The following LYN variants were observed in gnomAD, a reference collection of about 807,000 sequenced individuals.
LYN encodes LYN proto-oncogene, Src family tyrosine kinase, also known as tyrosine-protein kinase Lyn.
In LYN, 12 loss-of-function variants were observed where a neutral mutation model predicts 65.0. That is an observed-to-expected ratio of 0.18 (90% CI 0.12 to 0.30). LYN has a LOEUF of 0.30. Ranked by LOEUF, LYN falls within the 10% of genes least tolerant of loss-of-function variation. The probability of loss-of-function intolerance (pLI) is 1.00; values close to 1 mark genes in which losing one functional copy is unlikely to be tolerated. For missense variants in LYN, 380 were observed against 623.2 expected (o/e 0.61, Z 4.16); for synonymous variants, 222 against 221.2 (o/e 1.00, Z -0.03).
intron 1 of LYN, among the ~76,000 whole-genome samples, chr8:55,935,100 G>T (rs185266412): frequency 6.6e-6 from 1 of 152,110 alleles, no homozygotes; most frequent in Non-Finnish European, 1.5e-5. Context: ...GTGATCTGAG[G>T]GATTCCCGGC....
At chr8:55,959,155 C>CTGGT (rs1421296470) in intron 8 of LYN, among the ~76,000 whole-genome samples, 6 of 152,192 alleles carry the variant, frequency 3.9e-5, no homozygotes, top group Non-Finnish European at 7.4e-5. Context: ...TTGTTGTTGG[C>CTGGT]TGGTTGGCTT....
At chr8:55,993,096 A>T (rs559257349) in intron 10 of LYN, among the ~76,000 whole-genome samples, 8 of 152,352 alleles carry the variant, frequency 5.3e-5, no homozygotes, top group African/African-American at 1.9e-4. Context: ...TCCAAAGTTC[A>T]TACCTACCTA....
chr8:55,917,554 A>G (rs1805813117), intron 1 of LYN, among the ~76,000 whole-genome samples: 1 of 152,100 alleles, frequency 6.6e-6, no homozygotes, highest in Non-Finnish European at 1.5e-5. Context: ...GGGAGTAGGG[A>G]AGGGGAGGAT....
At chr8:56,007,712 A>G (rs1585688322) in intron 12 of LYN, among the ~76,000 whole-genome samples, 1 of 152,276 alleles carries the variant, frequency 6.6e-6, no homozygotes, top group East Asian at 1.9e-4. Flanking sequence ...TGGGAAATAC[A>G]TAGAAACCTA....
chr8:55,933,646 A>C (rs185726972), intron 1 of LYN, among the ~76,000 whole-genome samples: 2 of 152,218 alleles, frequency 1.3e-5, no homozygotes, highest in African/African-American at 4.8e-5. Context: ...CGATAATTAC[A>C]GGACTGTCAA....
At chr8:55,921,205 G>A (rs1010109473) in intron 1 of LYN, among the ~76,000 whole-genome samples, 2 of 152,196 alleles carry the variant, frequency 1.3e-5, no homozygotes, top group Non-Finnish European at 2.9e-5. Flanking sequence ...AATTGCTGCT[G>A]ACCACAAACT....
intron 10 of LYN, among the ~76,000 whole-genome samples, chr8:55,994,976 C>G (rs1808337374): frequency 6.6e-6 from 1 of 152,200 alleles, no homozygotes; most frequent in Non-Finnish European, 1.5e-5. Context: ...ACATGCTCAG[C>G]CTGATCTTCG....
intron 2 of LYN, among the ~76,000 whole-genome samples, chr8:55,946,203 C>G (rs951476094): frequency 1.3e-5 from 2 of 152,182 alleles, no homozygotes; most frequent in African/African-American, 4.8e-5. Context: ...AGGTGAGCAC[C>G]TGGCACCTGC....
chr8:55,936,511 G>A (rs1462178462), intron 1 of LYN, among the ~76,000 whole-genome samples: 1 of 152,138 alleles, frequency 6.6e-6, no homozygotes, highest in African/African-American at 2.4e-5. Flanking sequence ...GTGGTGGTGG[G>A]CACCTGTAAT....
chr8:55,967,252 G>A (rs1425713853), intron 9 of LYN, among the ~76,000 whole-genome samples: 1 of 145,726 alleles, frequency 6.9e-6, no homozygotes, highest in Non-Finnish European at 1.5e-5. Context: ...AGAGTTCCCA[G>A]AATTCTAATA....
chr8:55,986,938 T>C (rs1808088245), intron 10 of LYN, among the ~76,000 whole-genome samples: 1 of 152,054 alleles, frequency 6.6e-6, no homozygotes, highest in African/African-American at 2.4e-5. Context: ...TTGTCCAGGG[T>C]GTTCTGAACT....
At chr8:55,985,773 G>A (rs546547661) in intron 10 of LYN, among the ~76,000 whole-genome samples, 1 of 152,296 alleles carries the variant, frequency 6.6e-6, no homozygotes, top group Admixed American at 6.5e-5. Context: ...GCAACTGGGT[G>A]GGGCTTGTGG....
intron 10 of LYN, among the ~76,000 whole-genome samples, chr8:55,997,065 G>A (rs1808390589): frequency 1.3e-5 from 2 of 151,682 alleles, no homozygotes; most frequent in Admixed American, 6.6e-5. Flanking sequence ...GGAGGCTGAG[G>A]AAGGAGAATC....
intron 10 of LYN, among the ~76,000 whole-genome samples, chr8:55,979,845 A>G (rs1297297399): frequency 6.6e-6 from 1 of 152,300 alleles, no homozygotes; most frequent in East Asian, 1.9e-4. Context: ...ATGCCACAGC[A>G]TCTCCGGGGC....
intron 4 of LYN, among the ~76,000 whole-genome samples, chr8:55,948,079 T>G (rs1393474046): frequency 2.0e-5 from 3 of 152,060 alleles, no homozygotes; most frequent in African/African-American, 7.2e-5. Flanking sequence ...GCTAAAGCAA[T>G]CCTCTCACCT....
At chr8:55,939,040 A>G (rs1463950585) in intron 1 of LYN, among the ~76,000 whole-genome samples, 1 of 152,250 alleles carries the variant, frequency 6.6e-6, no homozygotes, top group Non-Finnish European at 1.5e-5. Context: ...AGTGTAGCTC[A>G]TATCACTTGG....
intron 10 of LYN, among the ~76,000 whole-genome samples, 193 bp downstream of exon 10, chr8:55,969,986 G>A (rs1479688170): frequency 6.6e-6 from 1 of 152,186 alleles, no homozygotes; most frequent in Admixed American, 6.5e-5. Flanking sequence ...TTGTGTGTAC[G>A]TGTTGAGTTT....
At chr8:55,955,010 C>T (rs1191750793) in intron 8 of LYN, 2 of 152,218 alleles carry the variant, frequency 1.3e-5, no homozygotes, top group Non-Finnish European at 2.9e-5. Context: ...AGGTCACACA[C>T]ATCTGACTGG....
At chr8:55,918,153 C>T (rs1209628801) in intron 1 of LYN, among the ~76,000 whole-genome samples, 1 of 152,214 alleles carries the variant, frequency 6.6e-6, no homozygotes, top group Non-Finnish European at 1.5e-5. Context: ...CAGGTCTCCA[C>T]TCTCTGCTGT....
Sources: gnomAD v4.1 joint callset for allele counts (sites outside exome capture counted in the v4.1 genomes callset) on GRCh38, gnomAD v4.1.1 for gene constraint, MANE v1.5 for transcripts, NCBI Gene and HGNC (gene_info 2026-07-23, HGNC 2026-07-21) for gene names.